Variants in CTNNA2 observed in about 807,000 individuals in gnomAD.
The protein encoded by CTNNA2 is catenin alpha 2, also known as catenin alpha-2.
CTNNA2 carries 42 observed loss-of-function variants against 101.0 expected under a neutral mutation model. The ratio of observed to expected loss-of-function variants is 0.42; its 90% CI spans 0.32 to 0.54. The LOEUF is 0.54. Ranked by LOEUF, CTNNA2 falls within the 20% of genes least tolerant of loss-of-function variation. CTNNA2 has a pLI of 0.14. For missense variants in CTNNA2, 871 were observed against 1,223.1 expected (o/e 0.71, Z 4.29); for synonymous variants, 450 against 456.4 (o/e 0.99, Z 0.18).
chr2:79,346,416 A>C (rs550825315), intron 3 of CTNNA2, among the ~76,000 whole-genome samples: 1 of 152,310 alleles, frequency 6.6e-6, no homozygotes, highest in African/African-American at 2.4e-5. Context: ...AAGTATGCTT[A>C]TTGTAAGTAC....
intron 3 of CTNNA2, among the ~76,000 whole-genome samples, chr2:79,852,325 T>C (rs889964108): frequency 3.9e-5 from 6 of 152,206 alleles, no homozygotes; most frequent in African/African-American, 1.2e-4. Flanking sequence ...GGAGCACATA[T>C]TTATTTTATA....
intron 1 of CTNNA2, among the ~76,000 whole-genome samples, chr2:79,626,356 C>G (rs1679302711): frequency 6.6e-6 from 1 of 152,058 alleles, no homozygotes; most frequent in South Asian, 2.1e-4. Context: ...TACAGGTTAG[C>G]CAGGAAACAG....
intron 4 of CTNNA2, among the ~76,000 whole-genome samples, chr2:79,862,782 A>G (rs117185265): frequency 0.016 from 2,513 of 152,322 alleles, 55 homozygotes; most frequent in Admixed American, 0.043. Flanking sequence ...AGTGCAATGC[A>G]TGTTAGGAAA....
intron 2 of CTNNA2, among the ~76,000 whole-genome samples, chr2:79,215,800 A>G (rs558199365): frequency 1.1e-4 from 17 of 152,274 alleles, no homozygotes; most frequent in Admixed American, 2.6e-4. Flanking sequence ...ACTGTAAGCC[A>G]GACCGGGTGT....
chr2:79,529,658 C>T (rs896549001), intron 1 of CTNNA2, among the ~76,000 whole-genome samples: 1 of 151,690 alleles, frequency 6.6e-6, no homozygotes, highest in African/African-American at 2.4e-5. Flanking sequence ...AGGGTATTTA[C>T]CTCTGAAGTC....
At chr2:80,489,815 GAC>G (rs1214936081) in intron 9 of CTNNA2, among the ~76,000 whole-genome samples, 4 of 152,162 alleles carry the variant, frequency 2.6e-5, no homozygotes, top group Non-Finnish European at 5.9e-5. Flanking sequence ...ATTGTGGAAA[GAC>G]AGTGTGAGAA....
At chr2:80,548,442 A>G (rs181822396) in intron 11 of CTNNA2, among the ~76,000 whole-genome samples, 2 of 152,282 alleles carry the variant, frequency 1.3e-5, no homozygotes, top group African/African-American at 2.4e-5. Context: ...GACTTTTTCA[A>G]TAGGACAAAG....
chr2:79,290,612 A>T (rs1283706152), intron 2 of CTNNA2, among the ~76,000 whole-genome samples: 2 of 152,128 alleles, frequency 1.3e-5, no homozygotes, highest in Non-Finnish European at 2.9e-5. Context: ...GCGGCTGGAC[A>T]TCGAGAGGAA....
chr2:79,751,571 G>C (rs1050117342), intron 3 of CTNNA2, among the ~76,000 whole-genome samples: 2 of 139,350 alleles, frequency 1.4e-5, no homozygotes, highest in Non-Finnish European at 3.0e-5. Flanking sequence ...ACTCCAGCCT[G>C]GGTGATGGAG....
At chr2:80,510,721 A>G (rs1688640856) in intron 9 of CTNNA2, among the ~76,000 whole-genome samples, 3 of 152,224 alleles carry the variant, frequency 2.0e-5, no homozygotes, top group African/African-American at 7.2e-5. Context: ...CTGAAAAGGT[A>G]TAACTTTTAG....
At chr2:80,471,962 C>G (rs1685342983) in intron 9 of CTNNA2, among the ~76,000 whole-genome samples, 1 of 152,014 alleles carries the variant, frequency 6.6e-6, no homozygotes, top group South Asian at 2.1e-4. Flanking sequence ...CCCATCTCTA[C>G]TAAAAATACA....
At position 79,841,581 on chromosome 2, in the gene CTNNA2, C is replaced by T. The variant is rs971721913; in HGVS notation, c.299-16432C>T. Among the ~76,000 whole-genome samples, 9 of 152,228 alleles carry T rather than the reference C, an allele frequency of 5.9e-5. No homozygotes were observed. The South Asian group carries it at 8.3e-4, about 14-fold the overall frequency. The stretch of plus-strand genomic sequence containing the variant: ...CTTTTGGTCTAAATTAGTGGGCACA[C>T]GTGCAAAATAGGTGCGAAGCAGACT... On this transcript the variant is annotated intron_variant, in intron 3 of 18. Coordinates refer to ENST00000402739, the MANE Select transcript of CTNNA2 (RefSeq NM_001282597.3).
intron 7 of CTNNA2, among the ~76,000 whole-genome samples, chr2:80,037,964 A>G (rs772983214): frequency 6.6e-6 from 1 of 152,184 alleles, no homozygotes; most frequent in African/African-American, 2.4e-5. Context: ...ATATGTTGTC[A>G]TTATTATTAG....
At chr2:80,435,579 A>G (rs1559108070) in intron 9 of CTNNA2, among the ~76,000 whole-genome samples, 1 of 152,244 alleles carries the variant, frequency 6.6e-6, no homozygotes, top group Non-Finnish European at 1.5e-5. Flanking sequence ...CTAGCTTAAA[A>G]TAAGCCTCTA....
At chr2:79,216,862 G>A (rs556768062) in intron 2 of CTNNA2, among the ~76,000 whole-genome samples, 137 of 152,254 alleles carry the variant, frequency 9.0e-4, no homozygotes, top group African/African-American at 2.9e-3. Context: ...GCCACTAAGG[G>A]TGAAGGACCA....
intron 3 of CTNNA2, among the ~76,000 whole-genome samples, chr2:79,359,145 G>A (rs1376987868): frequency 6.6e-6 from 1 of 152,136 alleles, no homozygotes; most frequent in African/African-American, 2.4e-5. Flanking sequence ...TTGATACAGA[G>A]GGAGTGGAAT....
At chr2:79,938,981 C>T (rs1047263131) in intron 7 of CTNNA2, among the ~76,000 whole-genome samples, 3 of 152,076 alleles carry the variant, frequency 2.0e-5, no homozygotes, top group Non-Finnish European at 2.9e-5. Flanking sequence ...TGGAGTGGTC[C>T]TGAAAGATCG....
Position 79,651,540 on chromosome 2 carries a change from G to GTGT in CTNNA2, c.-5-10_-5-8dup. The GTGT allele has an allele frequency of 6.2e-7, 1 of 1,605,602 alleles. No homozygotes were observed. Among genetic ancestry groups the GTGT allele is most frequent in the Non-Finnish European group, 8.5e-7 (1 of 1,172,524 alleles). ...GATGATTATTTCTAACTGATTACAT[G>GTGT]TGTTCCCATAGGGAGCATGACTTCG... On this transcript the variant is annotated splice_polypyrimidine_tract_variant and intron_variant, in intron 1 of 18. Transcript: ENST00000402739.
chr2:79,964,864 T>C (rs547052659), intron 7 of CTNNA2, among the ~76,000 whole-genome samples: 2 of 152,240 alleles, frequency 1.3e-5, no homozygotes, highest in African/African-American at 4.8e-5. Flanking sequence ...AACCCAGGGA[T>C]CCCCTTTTTC....
Sources: gnomAD v4.1 joint callset for allele counts (sites outside exome capture counted in the v4.1 genomes callset) on GRCh38, gnomAD v4.1.1 for gene constraint, MANE v1.5 for transcripts, NCBI Gene and HGNC (gene_info 2026-07-23, HGNC 2026-07-21) for gene names.